Variants in LRP1B observed in about 807,000 individuals in gnomAD.
The protein encoded by LRP1B is LDL receptor related protein 1B, also known as low-density lipoprotein receptor-related protein 1B.
In LRP1B, 217 loss-of-function variants were observed where a neutral mutation model predicts 556.6. That is an observed-to-expected ratio of 0.39 (90% CI 0.35 to 0.44). The LOEUF is 0.44. LRP1B is among the 20% of genes least tolerant of loss of function. The pLI is 1.00. For missense variants in LRP1B, 5,053 were observed against 5,620.8 expected (o/e 0.90, Z 3.23); for synonymous variants, 2,047 against 1,865.8 (o/e 1.10, Z -2.50).
Position 140,324,171 on chromosome 2 carries a change from A to AG in LRP1B, c.12341-106_12341-105insC, listed in dbSNP as rs1303717783. The AG allele has an allele frequency of 6.5e-6, 4 of 611,626 alleles. No individual in the cohort carries two copies. The East Asian group carries it at 1.1e-4, about 17-fold the overall frequency. 37.9% of individuals were successfully genotyped at this position (611,626 alleles called of 1,614,324 possible). On this transcript the variant is annotated intron_variant, in intron 80 of 90. Transcript: ENST00000389484. ...TTGAAAACCTTATTACTGTTTAAAA[A>AG]TAAACTTTCAGAATTGGAATATTTA... is the stretch of plus-strand genomic sequence containing the variant.
At chr2:142,095,637 C>T (rs1448127417) in intron 1 of LRP1B, among the ~76,000 whole-genome samples, 7 of 151,666 alleles carry the variant, frequency 4.6e-5, no homozygotes, top group Non-Finnish European at 8.9e-5. Context: ...ACTCCAGTGG[C>T]TTCTAAGTTT....
chr2:141,490,945 T>G (rs1350414438), intron 2 of LRP1B, among the ~76,000 whole-genome samples: 3 of 151,820 alleles, frequency 2.0e-5, no homozygotes, highest in East Asian at 3.9e-4. Context: ...TTTTTTTTTT[T>G]TTTTTTTTAA....
At chr2:141,588,807 T>C (rs1213836152) in intron 2 of LRP1B, among the ~76,000 whole-genome samples, 1 of 152,226 alleles carries the variant, frequency 6.6e-6, no homozygotes, top group Non-Finnish European at 1.5e-5. Flanking sequence ...TAATCAGATG[T>C]TACTCTAGTA....
intron 1 of LRP1B, among the ~76,000 whole-genome samples, chr2:141,962,761 T>A (rs1701437765): frequency 1.3e-5 from 2 of 151,804 alleles, no homozygotes; most frequent in Admixed American, 1.3e-4. Context: ...AAAAATTACC[T>A]CAAGATAATA....
At position 142,055,483 on chromosome 2, in the gene LRP1B, T is replaced by C. The variant is rs74687375; in HGVS notation, c.82+75165A>G. 2.0e-3 allele frequency among the ~76,000 whole-genome samples: 303 copies of C among 152,324 alleles called. 13 individuals are homozygous for C. In the East Asian group the frequency reaches 0.056, roughly 28 times the overall value. On this transcript the variant is annotated intron_variant, in intron 1 of 90. Coordinates refer to ENST00000389484, the MANE Select transcript of LRP1B (RefSeq NM_018557.3). ...ATTAACAGAATGTACAGGAGCCCTT[T>C]GAGTTGTAATTGAAGCATAATTGTT...
At chr2:140,369,147 A>G (rs2105161230) in intron 71 of LRP1B, among the ~76,000 whole-genome samples, 1 of 151,984 alleles carries the variant, frequency 6.6e-6, no homozygotes, top group Admixed American at 6.6e-5. Flanking sequence ...GTCTGGGAGG[A>G]TAAAATGGGG....
At chr2:140,405,349 A>T (rs1684684993) in intron 66 of LRP1B, among the ~76,000 whole-genome samples, 2 of 152,210 alleles carry the variant, frequency 1.3e-5, no homozygotes, top group South Asian at 4.1e-4. Flanking sequence ...AGCAGAAGAA[A>T]AGAAATAACA....
chr2:141,342,298 T>TAAATAAATAAAA lies in LRP1B; in HGVS notation c.344-87658_344-87657insTTTTATTTATTT, dbSNP rs1688096648. ...TAAAATAAATAAATAAATAAATAAA[T>TAAATAAATAAAA]AAAAGGTATCATAACCCAATATCAT... On this transcript the variant is annotated intron_variant, in intron 3 of 90. Coordinates refer to ENST00000389484, the MANE Select transcript of LRP1B (RefSeq NM_018557.3). Among the ~76,000 whole-genome samples the TAAATAAATAAAA allele has an allele frequency of 8.1e-5, 12 of 148,548 alleles. No individual in the cohort carries two copies. In the South Asian group the frequency reaches 2.6e-3, roughly 32 times the overall value.
chr2:140,297,713 A>C (rs1683664833), intron 84 of LRP1B, 95 bp downstream of exon 84: 1 of 1,354,494 alleles, frequency 7.4e-7, no homozygotes, highest in African/African-American at 1.5e-5. Context: ...AAAATAGAGG[A>C]TGGCTAAAAT....
At position 140,399,294 on chromosome 2, in the gene LRP1B, T is replaced by C. The variant is rs190684876; in HGVS notation, c.10415-13285A>G. ...TGTATAGATTCCTGGAGAATTGCAC[T>C]AAAATATACTTTTAACTTTCAAGTA... On this transcript the variant is annotated intron_variant, in intron 66 of 90. Coordinates refer to ENST00000389484, the MANE Select transcript of LRP1B (RefSeq NM_018557.3). Among the ~76,000 whole-genome samples, 309 of 152,302 alleles carry C rather than the reference T, an allele frequency of 2.0e-3. 5 individuals carry two copies. Among genetic ancestry groups the C allele is most frequent in the African/African-American group, 7.1e-3 (296 of 41,584 alleles).
At chr2:140,657,950 C>T (rs949284093) in intron 41 of LRP1B, among the ~76,000 whole-genome samples, 1 of 151,962 alleles carries the variant, frequency 6.6e-6, no homozygotes, top group African/African-American at 2.4e-5. Flanking sequence ...CTAATTGAAA[C>T]TGATCCATGG....
intron 68 of LRP1B, among the ~76,000 whole-genome samples, chr2:140,375,921 C>T (rs1437835152): frequency 6.6e-6 from 1 of 151,906 alleles, no homozygotes; most frequent in East Asian, 1.9e-4. Flanking sequence ...TTATCAGTTC[C>T]ATTCATACAG....
chr2:141,500,216 C>G (rs1303843764), intron 2 of LRP1B, among the ~76,000 whole-genome samples: 4 of 152,060 alleles, frequency 2.6e-5, no homozygotes, highest in Non-Finnish European at 5.9e-5. Context: ...CATATATTTA[C>G]CTTCCCACAA....
intron 3 of LRP1B, among the ~76,000 whole-genome samples, chr2:141,298,505 T>C (rs908739852): frequency 6.6e-6 from 1 of 152,128 alleles, no homozygotes; most frequent in Non-Finnish European, 1.5e-5. Context: ...GCGAGCTTCC[T>C]TGATTGGCAA....
At chr2:141,828,602 G>T (rs1697011597) in intron 1 of LRP1B, among the ~76,000 whole-genome samples, 1 of 152,058 alleles carries the variant, frequency 6.6e-6, no homozygotes, top group Non-Finnish European at 1.5e-5. Context: ...TATCTTTTCT[G>T]TCGTTTAAGT....
At chr2:140,432,450 T>C (rs1437035231) in intron 66 of LRP1B, among the ~76,000 whole-genome samples, 3 of 152,228 alleles carry the variant, frequency 2.0e-5, no homozygotes, top group Non-Finnish European at 2.9e-5. Context: ...TCTGAGTCCA[T>C]AAAGAGCTTT....
Position 141,049,071 on chromosome 2 carries a change from AT to A in LRP1B, c.1703del (p.Asn568IlefsTer12). 6.2e-7 allele frequency: 1 copy of A among 1,613,616 alleles called. No homozygotes were observed. The highest frequency in any genetic ancestry group is 8.5e-7 in the Non-Finnish European group (1 of 1,179,706). ...PRALDFHAET[N>X]YIYFADTTSF... ...TGGTGGTGTCAGCAAAGTAGATGTA[AT>A]TGGTTTCTGCGTGAAAGTCTAAAGC... On this transcript the variant is annotated frameshift_variant, in exon 11 of 91. Transcript: ENST00000389484. LOFTEE classifies it high-confidence loss of function.
intron 1 of LRP1B, among the ~76,000 whole-genome samples, chr2:141,852,547 TA>T: frequency 6.6e-6 from 1 of 151,634 alleles, no homozygotes; most frequent in East Asian, 1.9e-4. Context: ...CAAGAAATAA[TA>T]ATCACAGAAA....
rs143496214 is a variant in LRP1B at position 140,274,999 on chromosome 2, A to G, written c.12968-401T>C. On this transcript the variant is annotated intron_variant, in intron 84 of 90. Coordinates refer to ENST00000389484, the MANE Select transcript of LRP1B (RefSeq NM_018557.3). ...TCACACCTCTTTTCATCTAGAGAACAGAGTAATGTTTGGTTGTTGGACGCC... is the reference window on the plus strand; with the variant it reads ...TCACACCTCTTTTCATCTAGAGAACGGAGTAATGTTTGGTTGTTGGACGCC... 2.4e-3 allele frequency among the ~76,000 whole-genome samples: 363 copies of G among 152,124 alleles called. 3 individuals carry two copies. The highest frequency in any genetic ancestry group is 8.4e-3 in the African/African-American group (347 of 41,550).
Sources: gnomAD v4.1 joint callset for allele counts (sites outside exome capture counted in the v4.1 genomes callset) on GRCh38, gnomAD v4.1.1 for gene constraint, MANE v1.5 for transcripts, NCBI Gene and HGNC (gene_info 2026-07-23, HGNC 2026-07-21) for gene names.